Variants in SETDB2 observed in about 807,000 individuals in gnomAD.
The protein encoded by SETDB2 is SET domain bifurcated histone lysine methyltransferase 2, also known as histone-lysine N-methyltransferase SETDB2.
In SETDB2, 56 loss-of-function variants were observed where a neutral mutation model predicts 82.5. The observed-to-expected ratio is 0.68, with a 90% CI of 0.55 to 0.85. SETDB2 has a LOEUF of 0.85. Among genes scored for constraint, SETDB2 ranks in the 40% least tolerant of loss-of-function variants. The pLI, the probability that SETDB2 is intolerant of heterozygous loss-of-function variation, is 0.00. For synonymous variants in SETDB2, 272 were observed against 284.9 expected (o/e 0.95, Z 0.46); for missense variants, 677 against 816.4 (o/e 0.83, Z 2.08).
chr13:49,491,694 G>A, intron 13 of SETDB2, 38 bp from the exon 14 acceptor site: 1 of 1,415,840 alleles, frequency 7.1e-7, no homozygotes, highest in Non-Finnish European at 9.9e-7. Context: ...TAGTTATTTA[G>A]GGTATTTTAT....
chr13:49,487,205 T>G (rs1365150838), intron 11 of SETDB2, among the ~76,000 whole-genome samples: 3 of 152,302 alleles, frequency 2.0e-5, no homozygotes, highest in Non-Finnish European at 4.4e-5. Flanking sequence ...ACAGTGATGA[T>G]TAAATCAAGA....
At chr13:49,487,902 A>C (rs903576608) in intron 11 of SETDB2, among the ~76,000 whole-genome samples, 1 of 152,114 alleles carries the variant, frequency 6.6e-6, no homozygotes, top group African/African-American at 2.4e-5. Flanking sequence ...CAAAACACCC[A>C]CTCTGTTACA....
chr13:49,490,736 A>G (rs1290040935), intron 12 of SETDB2, 86 bp from the exon 13 acceptor site: 2 of 935,604 alleles, frequency 2.1e-6, no homozygotes, highest in Admixed American at 2.5e-5. Context: ...GTGATATATT[A>G]AAAACAGAAT....
intron 5 of SETDB2, among the ~76,000 whole-genome samples, chr13:49,469,695 A>C (rs893264898): frequency 6.6e-6 from 1 of 152,036 alleles, no homozygotes; most frequent in African/African-American, 2.4e-5. Context: ...TTTTATTTTT[A>C]ATTTTTCTAT....
At chr13:49,483,608 AATTTTTTTTTTTTTTTTT>A in intron 10 of SETDB2, 45 bp downstream of exon 10, 1 of 490,648 alleles carries the variant, frequency 2.0e-6, no homozygotes, top group South Asian at 2.6e-5. Flanking sequence ...TTCTTTTTTA[AATTTTTTTTTTTTTTTTT>A]TTTTTTTTTT....
intron 4 of SETDB2, 62 bp from the exon 5 acceptor site, chr13:49,467,802 G>A: frequency 8.1e-7 from 1 of 1,239,814 alleles, no homozygotes; most frequent in Non-Finnish European, 1.1e-6. Flanking sequence ...TATTACTTGG[G>A]TACTTATAGC....
At chr13:49,458,653 G>T (rs73491248) in intron 2 of SETDB2, among the ~76,000 whole-genome samples, 1 of 152,240 alleles carries the variant, frequency 6.6e-6, no homozygotes, top group African/African-American at 2.4e-5. Flanking sequence ...GTATTTGTAC[G>T]TTAATGACTC....
At chr13:49,480,727 C>T (rs1253791473) in intron 7 of SETDB2, among the ~76,000 whole-genome samples, 1 of 152,024 alleles carries the variant, frequency 6.6e-6, no homozygotes, top group African/African-American at 2.4e-5. Context: ...TCATATAATC[C>T]CCATTTTAAA....
intron 10 of SETDB2, 136 bp from the exon 11 acceptor site, chr13:49,485,494 G>T (rs1228162925): frequency 1.5e-6 from 1 of 654,660 alleles, no homozygotes; most frequent in African/African-American, 1.8e-5. Flanking sequence ...GACTCCTTAT[G>T]ATATCAGCTT....
At chr13:49,450,158 G>C (rs566512299) in intron 1 of SETDB2, among the ~76,000 whole-genome samples, 105 of 152,240 alleles carry the variant, frequency 6.9e-4, no homozygotes, top group African/African-American at 2.4e-3. Flanking sequence ...TTTGTCTAGC[G>C]ATGTGTGTTA....
intron 1 of SETDB2, among the ~76,000 whole-genome samples, chr13:49,448,338 ATTAT>A (rs1281558259): frequency 2.6e-5 from 4 of 152,054 alleles, no homozygotes; most frequent in African/African-American, 7.2e-5. Context: ...TTCATTTGTT[ATTAT>A]TTATTTTGTT....
chr13:49,464,044 G>A (rs1302475225), intron 4 of SETDB2: 1 of 774,170 alleles, frequency 1.3e-6, no homozygotes, highest in Non-Finnish European at 2.4e-6. Context: ...AGAAGTGAAT[G>A]CCCAAAGCAG....
At chr13:49,467,822 T>C in intron 4 of SETDB2, 42 bp from the exon 5 acceptor site, 2 of 1,491,284 alleles carry the variant, frequency 1.3e-6, no homozygotes, top group Non-Finnish European at 1.8e-6. Context: ...CAAATGGTTT[T>C]TAACTTGGTA....
At chr13:49,469,455 T>G (rs1479106657) in intron 5 of SETDB2, among the ~76,000 whole-genome samples, 1 of 152,244 alleles carries the variant, frequency 6.6e-6, no homozygotes, top group Non-Finnish European at 1.5e-5. Context: ...ATTCAGTTAA[T>G]TTGGATTTTT....
At position 49,489,886 on chromosome 13, in the gene SETDB2, G is replaced by A. The variant is rs560332883; in HGVS notation, c.1918-936G>A. Among the ~76,000 whole-genome samples the A allele has an allele frequency of 3.1e-3, 397 of 127,486 alleles. 4 individuals carry two copies. The highest frequency in any genetic ancestry group is 0.01 in the African/African-American group (345 of 33,726). 83.6% of individuals were successfully genotyped at this position (127,486 alleles called of 152,430 possible). ...GCTGGGATTACAGGTGTGAGCCACC[G>A]CACCTGGCCTTATTTCTCCCGCCCC... is the stretch of plus-strand genomic sequence containing the variant. On this transcript the variant is annotated intron_variant, in intron 12 of 13. Coordinates refer to ENST00000611815, the MANE Select transcript of SETDB2 (RefSeq NM_001160308.3).
intron 7 of SETDB2, 92 bp from the exon 8 acceptor site, chr13:49,480,855 C>T: frequency 1.5e-6 from 2 of 1,355,372 alleles, no homozygotes; most frequent in East Asian, 2.3e-5. Flanking sequence ...CACATTTAGC[C>T]TGCTTCCCTC....
chr13:49,490,562 TATA>T (rs1958692313), intron 12 of SETDB2, among the ~76,000 whole-genome samples: 1 of 152,148 alleles, frequency 6.6e-6, no homozygotes, highest in Non-Finnish European at 1.5e-5. Context: ...CAAATGCATT[TATA>T]ATAATGATAA....
chr13:49,458,351 A>G (rs1044733860), intron 2 of SETDB2, among the ~76,000 whole-genome samples: 2 of 152,188 alleles, frequency 1.3e-5, no homozygotes, highest in African/African-American at 4.8e-5. Flanking sequence ...CTGGGATTAC[A>G]GGCCTGAGAT....
chr13:49,452,714 C>T (rs1957807531), intron 2 of SETDB2, among the ~76,000 whole-genome samples: 1 of 152,064 alleles, frequency 6.6e-6, no homozygotes, highest in African/African-American at 2.4e-5. Flanking sequence ...TGAGACTTTT[C>T]TTGTTTTTTA....
Sources: allele counts gnomAD v4.1 joint callset (sites outside exome capture counted in the v4.1 genomes callset), GRCh38; gene constraint gnomAD v4.1.1; transcripts MANE v1.5; gene names NCBI Gene and HGNC (gene_info 2026-07-23, HGNC 2026-07-21).